The following BTBD9 variants were observed in gnomAD, a reference collection of about 807,000 sequenced individuals.
BTBD9 encodes the protein BTB/POZ domain-containing protein 9.
A neutral mutation model predicts 64.3 loss-of-function variants in BTBD9; 49 were observed. That is an observed-to-expected ratio of 0.76 (90% CI 0.61 to 0.97). The LOEUF (loss-of-function observed/expected upper bound fraction) is 0.97, where lower values mean the gene tolerates loss of function less well. Among genes scored for constraint, BTBD9 ranks in the 50% least tolerant of loss-of-function variants. The pLI is 0.00. For missense variants in BTBD9, 598 were observed against 762.1 expected (o/e 0.78, Z 2.53); for synonymous variants, 260 against 274.7 (o/e 0.95, Z 0.53).
intron 7 of BTBD9, among the ~76,000 whole-genome samples, chr6:38,317,305 G>C (rs1763064374): frequency 6.6e-6 from 1 of 152,108 alleles, no homozygotes; most frequent in African/African-American, 2.4e-5. Context: ...TCCTTCAGCA[G>C]TTTAAACATG....
chr6:38,313,885 G>T (rs1220391134), intron 7 of BTBD9, among the ~76,000 whole-genome samples: 1 of 151,662 alleles, frequency 6.6e-6, no homozygotes, highest in Non-Finnish European at 1.5e-5. Context: ...GAGTAGCTGG[G>T]ACTACGGGTG....
At chr6:38,408,692 C>T (rs915069699) in intron 6 of BTBD9, among the ~76,000 whole-genome samples, 1 of 151,926 alleles carries the variant, frequency 6.6e-6, no homozygotes, top group African/African-American at 2.4e-5. Context: ...GTAGAATCAA[C>T]AAAAAAAGAA....
At chr6:38,475,052 G>A (rs545868736) in intron 6 of BTBD9, among the ~76,000 whole-genome samples, 2 of 152,158 alleles carry the variant, frequency 1.3e-5, no homozygotes, top group Non-Finnish European at 2.9e-5. Flanking sequence ...CCTCGAAAAT[G>A]TTTTCAAGGA....
chr6:38,388,924 G>A (rs1356764078), intron 6 of BTBD9, among the ~76,000 whole-genome samples: 2 of 152,106 alleles, frequency 1.3e-5, no homozygotes, highest in African/African-American at 4.8e-5. Flanking sequence ...AGAAATCTGA[G>A]TATTGTTATA....
chr6:38,517,993 T>C (rs1443019266), intron 6 of BTBD9, among the ~76,000 whole-genome samples: 2 of 152,112 alleles, frequency 1.3e-5, no homozygotes, highest in Non-Finnish European at 2.9e-5. Flanking sequence ...AAGAAATCAT[T>C]AAAACGCACA....
chr6:38,424,893 C>T (rs1186624228), intron 6 of BTBD9, among the ~76,000 whole-genome samples: 1 of 151,778 alleles, frequency 6.6e-6, no homozygotes, highest in African/African-American at 2.4e-5. Context: ...GGTTGGAGTG[C>T]AGTGGCACGA....
intron 6 of BTBD9, among the ~76,000 whole-genome samples, chr6:38,438,213 AGGGAG>A (rs1246183286): frequency 7.0e-4 from 24 of 34,058 alleles, no homozygotes; most frequent in African/African-American, 3.2e-3. Flanking sequence ...GGAAGGAGGG[AGGGAG>A]GGAGGGAGGG....
intron 1 of BTBD9, among the ~76,000 whole-genome samples, chr6:38,614,965 C>T (rs1224665712): frequency 1.3e-5 from 2 of 152,246 alleles, no homozygotes; most frequent in Non-Finnish European, 2.9e-5. Context: ...TGGTATTCCA[C>T]GGCTCTTATC....
chr6:38,508,835 T>G (rs1772654555), intron 6 of BTBD9, among the ~76,000 whole-genome samples: 1 of 152,172 alleles, frequency 6.6e-6, no homozygotes, highest in Admixed American at 6.5e-5. Flanking sequence ...GCTTTTGCCT[T>G]ACATTCTGTA....
At chr6:38,306,356 C>T (rs1327373386) in intron 7 of BTBD9, among the ~76,000 whole-genome samples, 1 of 152,194 alleles carries the variant, frequency 6.6e-6, no homozygotes, top group East Asian at 1.9e-4. Context: ...CCATCCCTCA[C>T]CTACATCCCT....
intron 6 of BTBD9, among the ~76,000 whole-genome samples, chr6:38,439,838 C>T (rs552077047): frequency 3.9e-4 from 60 of 152,282 alleles, no homozygotes; most frequent in Admixed American, 2.7e-3. Flanking sequence ...GGACTACAGG[C>T]ATATGCTACT....
intron 7 of BTBD9, among the ~76,000 whole-genome samples, chr6:38,337,531 GA>G (rs1453343462): frequency 6.6e-6 from 1 of 152,146 alleles, no homozygotes; most frequent in African/African-American, 2.4e-5. Context: ...CATTCTTCAT[GA>G]AGCCTTATCT....
At chr6:38,360,811 G>T (rs1224436680) in intron 6 of BTBD9, among the ~76,000 whole-genome samples, 1 of 149,268 alleles carries the variant, frequency 6.7e-6, no homozygotes, top group Non-Finnish European at 1.5e-5. Context: ...AGAACAACAG[G>T]ATGGAACAAC....
At chr6:38,304,445 C>T (rs1252300579) in intron 7 of BTBD9, among the ~76,000 whole-genome samples, 2 of 151,838 alleles carry the variant, frequency 1.3e-5, no homozygotes, top group Non-Finnish European at 2.9e-5. Context: ...ACTCGGGAGG[C>T]TGAGGCATGA....
chr6:38,404,766 G>A (rs1263038030), intron 6 of BTBD9, among the ~76,000 whole-genome samples: 1 of 152,166 alleles, frequency 6.6e-6, no homozygotes, highest in African/African-American at 2.4e-5. Context: ...ATTGACCCTG[G>A]CCAGCAGAGG....
intron 9 of BTBD9, among the ~76,000 whole-genome samples, chr6:38,253,114 AAACAAC>A (rs376665071): frequency 9.3e-5 from 14 of 151,048 alleles, no homozygotes; most frequent in South Asian, 2.1e-4. Flanking sequence ...ACTCTGTCTC[AAACAAC>A]AACAACAACA....
intron 7 of BTBD9, among the ~76,000 whole-genome samples, chr6:38,331,999 T>C (rs1197294335): frequency 6.6e-6 from 1 of 152,240 alleles, no homozygotes; most frequent in Non-Finnish European, 1.5e-5. Context: ...CAAAAAATGG[T>C]ATTTTGTTTC....
rs35699356 is a variant in BTBD9 at position 38,439,110 on chromosome 6, C to CTTTTTTTTTTTTTTTTTTTTTTTTTTTTT, written c.1155-94018_1155-94017insAAAAAAAAAAAAAAAAAAAAAAAAAAAAA. Among the ~76,000 whole-genome samples, 5 of 64,052 alleles carry CTTTTTTTTTTTTTTTTTTTTTTTTTTTTT rather than the reference C, an allele frequency of 7.8e-5. 2 individuals carry two copies. The highest frequency in any genetic ancestry group is 3.4e-4 in the African/African-American group (5 of 14,584). 42.0% of individuals were successfully genotyped at this position (64,052 alleles called of 152,430 possible). A position where few individuals can be genotyped will look rare whatever the true frequency, so the allele number is the denominator to read the frequency against. On this transcript the variant is annotated intron_variant, in intron 6 of 10. Transcript: ENST00000481247. ...TCTTGTAGGCTCGTGTAGCAACTGA[C>CTTTTTTTTTTTTTTTTTTTTTTTTTTTTT]TTTTTTTTTTTTTTTTTTTTTTTTG...
intron 6 of BTBD9, among the ~76,000 whole-genome samples, chr6:38,375,398 T>G (rs1180060301): frequency 6.6e-6 from 1 of 152,224 alleles, no homozygotes; most frequent in African/African-American, 2.4e-5. Flanking sequence ...TTAAGAAGTC[T>G]TAGTGTGAGT....
Sources: allele counts gnomAD v4.1 joint callset (sites outside exome capture counted in the v4.1 genomes callset), GRCh38; gene constraint gnomAD v4.1.1; transcripts MANE v1.5; gene names NCBI Gene and HGNC (gene_info 2026-07-23, HGNC 2026-07-21).